Variants in PLEKHA7 observed in about 807,000 individuals in gnomAD.
PLEKHA7 encodes the protein pleckstrin homology domain containing A7, also known as pleckstrin homology domain-containing family A member 7.
PLEKHA7 carries 104 observed loss-of-function variants against 170.0 expected under a neutral mutation model. The ratio of observed to expected loss-of-function variants is 0.61; its 90% CI spans 0.52 to 0.72. The LOEUF (loss-of-function observed/expected upper bound fraction) is 0.72. Ranked by LOEUF, PLEKHA7 falls within the 30% of genes least tolerant of loss-of-function variation. PLEKHA7 has a pLI of 0.00. For missense variants in PLEKHA7, 1,615 were observed against 1,671.7 expected, an observed-to-expected ratio of 0.97 and a Z score of 0.59; for synonymous variants, 648 against 660.8, an observed-to-expected ratio of 0.98 and a Z score of 0.30.
intron 3 of PLEKHA7, chr11:16,881,507 G>C (rs1169757093): frequency 1.3e-5 from 2 of 152,252 alleles, no homozygotes. Context: ...CTGGCAACCA[G>C]GCAGGAACAC....
intron 3 of PLEKHA7, among the ~76,000 whole-genome samples, chr11:17,005,092 T>C (rs7928955): frequency 0.64 from 97,097 of 152,126 alleles, 31,626 homozygotes; most frequent in East Asian, 0.96. Context: ...GCAGTCTTCC[T>C]ACAGCCCTCT....
chr11:16,869,277 C>T (rs1376444324), intron 4 of PLEKHA7, among the ~76,000 whole-genome samples: 1 of 152,194 alleles, frequency 6.6e-6, no homozygotes, highest in African/African-American at 2.4e-5. Context: ...CCATGGACCA[C>T]CAGTATCAAA....
At chr11:16,887,935 G>A (rs544911663) in intron 3 of PLEKHA7, among the ~76,000 whole-genome samples, 3 of 150,288 alleles carry the variant, frequency 2.0e-5, no homozygotes, top group Admixed American at 6.6e-5. Flanking sequence ...CTGCCATCCC[G>A]TCTAGGAAGT....
intron 9 of PLEKHA7, among the ~76,000 whole-genome samples, chr11:16,840,157 T>C (rs1323170682): frequency 6.6e-6 from 1 of 152,234 alleles, no homozygotes; most frequent in Non-Finnish European, 1.5e-5. Context: ...GGGCAGTCTT[T>C]GGTCCTGTCC....
At position 16,817,128 on chromosome 11, in the gene PLEKHA7, C is replaced by G. The variant is rs753514238; in HGVS notation, c.1538G>C (p.Arg513Pro). Reference sequence around the variant, plus strand: ...CCACACGGTGCCATCCCGGTGCGCCCGGCGCTCTTCACTCGACATCTTCAG... The same window carrying G: ...CCACACGGTGCCATCCCGGTGCGCCGGGCGCTCTTCACTCGACATCTTCAG... Reference protein sequence around the residue: ...SHLKMSSEERRAHRDGTVWQL... With the variant: ...SHLKMSSEERPAHRDGTVWQL... The change falls in exon 11 of 27, where the codon CGG becomes CCG. Residue 513 changes from arginine (R) to proline (P), a missense_variant. By Grantham distance (103) the Arg-to-Pro change is moderately radical. Coordinates refer to ENST00000531066, the MANE Select transcript of PLEKHA7 (RefSeq NM_001329630.2). This position sits in a 1 kb window ranked among gnomAD's most constrained non-coding sequence, Gnocchi z 4.4. 3 of 1,614,172 alleles carry G rather than the reference C, an allele frequency of 1.9e-6. No individual in the cohort carries two copies. Among genetic ancestry groups the G allele is most frequent in the Non-Finnish European group, 2.5e-6 (3 of 1,180,024 alleles).
intron 25 of PLEKHA7, 32 bp downstream of exon 25, chr11:16,783,668 A>G: frequency 7.3e-7 from 1 of 1,375,506 alleles, no homozygotes; most frequent in South Asian, 1.7e-5. Context: ...GGTCAGGGTG[A>G]CCTGCCAACA....
At chr11:16,781,176 C>T in intron 26 of PLEKHA7, 1 of 214,116 alleles carries the variant, frequency 4.7e-6, no homozygotes, top group Non-Finnish European at 8.0e-6. Flanking sequence ...AGGGCCTGGG[C>T]TTGAGGGTGA....
intron 3 of PLEKHA7, among the ~76,000 whole-genome samples, chr11:16,906,262 G>GGAAGGAAGGAAT (rs1355026854): frequency 2.6e-5 from 3 of 116,860 alleles, no homozygotes; most frequent in African/African-American, 9.5e-5. Context: ...AAGGAAGGAA[G>GGAAGGAAGGAAT]GAAGGAAGGA....
In PLEKHA7 at chr11:16,791,166, CG is replaced by C; in HGVS notation, c.2778del (p.Glu927AsnfsTer47). On this transcript the variant is annotated frameshift_variant, in exon 20 of 27. Coordinates refer to ENST00000531066, the MANE Select transcript of PLEKHA7 (RefSeq NM_001329630.2). LOFTEE classifies it high-confidence loss of function. The surrounding 1 kb of genome is among the most constrained non-coding windows in gnomAD (Gnocchi z 4.5). Reference protein sequence around the residue: ...EDEAPPRPPLPELYSPEDQPP... With the variant: ...EDEAPPRPPLXELYSPEDQPP... Reference sequence around the variant, plus strand: ...GGCTGGTCCTCTGGGCTGTAGAGTTCGGGGAGTGGGGGCCTGGGAGGTGCTT... The same window carrying C: ...GGCTGGTCCTCTGGGCTGTAGAGTTCGGGAGTGGGGGCCTGGGAGGTGCTT... The C allele has an allele frequency of 6.2e-7, 1 of 1,608,306 alleles. No individual in the cohort carries two copies. Among genetic ancestry groups the C allele is most frequent in the Non-Finnish European group, 8.5e-7 (1 of 1,176,400 alleles).
intron 3 of PLEKHA7, among the ~76,000 whole-genome samples, chr11:16,944,652 T>C (rs1444452455): frequency 6.6e-6 from 1 of 152,192 alleles, no homozygotes; most frequent in African/African-American, 2.4e-5. Flanking sequence ...GTATCATTCT[T>C]TCTATGTATG....
intron 13 of PLEKHA7, among the ~76,000 whole-genome samples, chr11:16,805,925 T>A (rs1848953910): frequency 6.6e-6 from 1 of 151,724 alleles, no homozygotes; most frequent in Non-Finnish European, 1.5e-5. Flanking sequence ...TAACTGGGGG[T>A]GATGCCCTTC....
At chr11:16,959,977 A>G (rs1362189044) in intron 3 of PLEKHA7, among the ~76,000 whole-genome samples, 4 of 152,138 alleles carry the variant, frequency 2.6e-5, no homozygotes, top group East Asian at 1.9e-4. Context: ...CTGCCCCCCA[A>G]GGGATCTACT....
At chr11:16,879,849 C>T (rs114081412) in intron 3 of PLEKHA7, among the ~76,000 whole-genome samples, 2,170 of 152,322 alleles carry the variant, frequency 0.014, 17 homozygotes, top group African/African-American at 0.017. Flanking sequence ...TGCAGATCCA[C>T]TCAATGGCCA....
intron 9 of PLEKHA7, among the ~76,000 whole-genome samples, chr11:16,833,981 T>TTATA (rs10525520): frequency 0.054 from 8,149 of 151,202 alleles, 715 homozygotes; most frequent in African/African-American, 0.18. Flanking sequence ...CTCAGGAGTT[T>TTATA]TATATATAGA....
intron 3 of PLEKHA7, among the ~76,000 whole-genome samples, chr11:16,899,276 C>T (rs192191296): frequency 4.6e-5 from 7 of 152,344 alleles, no homozygotes; most frequent in Admixed American, 6.5e-5. Flanking sequence ...GCAGGCGGAT[C>T]ACCTGAGGTC....
At chr11:17,000,464 T>C (rs1864599175) in intron 3 of PLEKHA7, among the ~76,000 whole-genome samples, 2 of 152,150 alleles carry the variant, frequency 1.3e-5, no homozygotes, top group African/African-American at 2.4e-5. Flanking sequence ...ATAGTTTCTT[T>C]GACATTTGGC....
chr11:16,889,400 C>CAAAAA (rs869268116), intron 3 of PLEKHA7, among the ~76,000 whole-genome samples: 1,582 of 52,304 alleles, frequency 0.03, 16 homozygotes, highest in Non-Finnish European at 0.049. Flanking sequence ...CTTTATTGCT[C>CAAAAA]AAAAAAAAAA....
intron 3 of PLEKHA7, among the ~76,000 whole-genome samples, chr11:16,980,634 G>A (rs886101794): frequency 5.9e-5 from 9 of 152,116 alleles, no homozygotes; most frequent in South Asian, 2.1e-4. Flanking sequence ...TAAAAAACCA[G>A]CAAGATGGCC....
At chr11:16,812,991 T>C (rs920061015) in intron 13 of PLEKHA7, 122 bp downstream of exon 13, 2 of 719,846 alleles carry the variant, frequency 2.8e-6, no homozygotes, top group Non-Finnish European at 4.8e-6. Context: ...GGGAGACATA[T>C]TGATTTAGAA....
Sources: gnomAD v4.1 joint callset for allele counts (sites outside exome capture counted in the v4.1 genomes callset) on GRCh38, gnomAD v4.1.1 for gene constraint, Gnocchi (gnomAD v3.1) non-coding constraint, MANE v1.5 for transcripts, NCBI Gene and HGNC (gene_info 2026-07-23, HGNC 2026-07-21) for gene names.